Variants in FNTA observed in about 807,000 individuals in gnomAD.
The protein encoded by FNTA is protein farnesyltransferase/geranylgeranyltransferase type-1 subunit alpha.
A neutral mutation model predicts 55.2 loss-of-function variants in FNTA; 27 were observed. The ratio of observed to expected loss-of-function variants is 0.49; its 90% CI spans 0.36 to 0.67. FNTA has a LOEUF of 0.67. FNTA is among the 30% of genes least tolerant of loss of function. The probability of loss-of-function intolerance (pLI) is 0.00; values close to 1 mark genes in which losing one functional copy is unlikely to be tolerated. For missense variants in FNTA, 422 were observed against 464.7 expected, an observed-to-expected ratio of 0.91 and a Z score of 0.85; for synonymous variants, 176 against 170.7, an observed-to-expected ratio of 1.03 and a Z score of -0.24.
chr8:43,063,365 C>A (rs1810581339), intron 2 of FNTA: 1 of 454,534 alleles, frequency 2.2e-6, no homozygotes, highest in Non-Finnish European at 4.4e-6. Flanking sequence ...TAATCCAATG[C>A]TCCCAATAAA....
chr8:43,085,089 G>A (rs904979642), intron 8 of FNTA, 71 bp from the exon 9 acceptor site: 4 of 1,315,592 alleles, frequency 3.0e-6, no homozygotes, highest in Admixed American at 4.7e-5. Context: ...GAGTTAAATT[G>A]TATTGGCTCA....
At chr8:43,074,296 A>G (rs1038935302) in intron 5 of FNTA, among the ~76,000 whole-genome samples, 2 of 152,212 alleles carry the variant, frequency 1.3e-5, no homozygotes, top group Non-Finnish European at 2.9e-5. Context: ...GGCCCAGGCA[A>G]GTGGATCCCG....
intron 3 of FNTA, among the ~76,000 whole-genome samples, chr8:43,065,377 A>G (rs970431070): frequency 3.3e-5 from 5 of 151,894 alleles, no homozygotes; most frequent in Admixed American, 1.3e-4. Flanking sequence ...CCTCCCAGGT[A>G]GCTGGGATTA....
At chr8:43,070,547 A>T (rs1810762965) in intron 4 of FNTA, among the ~76,000 whole-genome samples, 1 of 152,202 alleles carries the variant, frequency 6.6e-6, no homozygotes, top group African/African-American at 2.4e-5. Flanking sequence ...TTAGTGTTTG[A>T]TTACATCGAG....
intron 3 of FNTA, among the ~76,000 whole-genome samples, chr8:43,067,505 A>T (rs187421294): frequency 3.9e-5 from 6 of 152,228 alleles, no homozygotes; most frequent in African/African-American, 1.2e-4. Flanking sequence ...TGGAATTCTC[A>T]GTGTGTTTCA....
chr8:43,073,080 T>A (rs1293421979), intron 5 of FNTA, among the ~76,000 whole-genome samples: 3 of 152,230 alleles, frequency 2.0e-5, no homozygotes, highest in Admixed American at 2.0e-4. Context: ...GTTCTAGTAT[T>A]GTTTCCTGTG....
In FNTA at chr8:43,059,585, T is replaced by G. The variant is rs376038692; in HGVS notation, c.286+408T>G. Reference sequence around the variant, plus strand: ...TTTGGCAGTGAAGTGTTCAGCTCAGTTGGAATACATTTATTGATATTAAAA... The same window carrying G: ...TTTGGCAGTGAAGTGTTCAGCTCAGGTGGAATACATTTATTGATATTAAAA... On this transcript the variant is annotated intron_variant, in intron 2 of 8. Transcript: ENST00000302279. Among the ~76,000 whole-genome samples, 27 of 152,308 alleles carry G rather than the reference T, an allele frequency of 1.8e-4. No individual in the cohort carries two copies. The South Asian group carries it at 5.0e-3, about 28-fold the overall frequency.
intron 4 of FNTA, among the ~76,000 whole-genome samples, chr8:43,071,409 G>A (rs1348742743): frequency 6.6e-6 from 1 of 152,100 alleles, no homozygotes; most frequent in South Asian, 2.1e-4. Flanking sequence ...GGTGGCTCAC[G>A]TCTGTAATCC....
At chr8:43,065,021 A>G (rs999669863) in intron 3 of FNTA, among the ~76,000 whole-genome samples, 2 of 151,266 alleles carry the variant, frequency 1.3e-5, no homozygotes. Flanking sequence ...TTTTTAGTAG[A>G]GATAGGGTTT....
chr8:43,056,551 C>A lies in FNTA; in HGVS notation c.200+5C>A. 7.0e-7 allele frequency: 1 copy of A among 1,431,078 alleles called. No homozygotes were observed. Among genetic ancestry groups the A allele is most frequent in the Non-Finnish European group, 9.2e-7 (1 of 1,083,226 alleles). The allele number at this position is 1,431,078 out of a possible 1,614,324, so 88.6% of individuals were successfully genotyped here. On this transcript the variant is annotated splice_donor_5th_base_variant and intron_variant, in intron 1 of 8. Coordinates refer to ENST00000302279, the MANE Select transcript of FNTA (RefSeq NM_002027.3). ...GCCCTCCTATGTCCTGTACAGGTAA[C>A]GCCCCCGCGGCGGCCGCGGCTCGGG...
At position 43,084,850 on chromosome 8, in the gene FNTA, A is replaced by G. The variant is rs745484066; in HGVS notation, c.986A>G (p.Asn329Ser). Reference protein sequence around the residue: ...YEDMLENQCDNKEDILNKALE... With the variant: ...YEDMLENQCDSKEDILNKALE... The stretch of plus-strand genomic sequence containing the variant: ...GACATGCTAGAAAATCAGTGTGACA[A>G]TAAGGAAGACATTCTTAATAAAGCA... Residue 329 changes from asparagine to serine, a missense_variant, in exon 8 of 9, where the codon AAT becomes AGT. Coordinates refer to ENST00000302279, the MANE Select transcript of FNTA (RefSeq NM_002027.3). 5.6e-6 allele frequency: 9 copies of G among 1,613,720 alleles called. No individual in the cohort carries two copies. Among genetic ancestry groups the G allele is most frequent in the South Asian group, 2.2e-5 (2 of 91,026 alleles).
intron 6 of FNTA, chr8:43,078,251 C>A (rs1810953119): frequency 6.6e-6 from 1 of 152,174 alleles, no homozygotes; most frequent in Non-Finnish European, 1.5e-5. Context: ...CCCTCAAGCA[C>A]ACTTCATGCT....
At chr8:43,077,562 A>C (rs1029826196) in intron 6 of FNTA, 198 bp downstream of exon 6, 6 of 379,604 alleles carry the variant, frequency 1.6e-5, no homozygotes, top group Middle Eastern at 5.5e-4. Flanking sequence ...GTTTCTTGAA[A>C]TATTGCTACT....
intron 5 of FNTA, among the ~76,000 whole-genome samples, chr8:43,073,147 C>T (rs1196814514): frequency 1.3e-5 from 2 of 152,068 alleles, no homozygotes; most frequent in East Asian, 3.8e-4. Context: ...GAGCATTTCA[C>T]CAAATACTTA....
intron 1 of FNTA, among the ~76,000 whole-genome samples, chr8:43,058,006 AAG>A (rs1167971407): frequency 2.0e-5 from 3 of 152,016 alleles, no homozygotes; most frequent in Non-Finnish European, 2.9e-5. Context: ...GAAAGTGTTT[AAG>A]AGAAATTTTG....
intron 7 of FNTA, among the ~76,000 whole-genome samples, chr8:43,084,217 CTTTTTTTTTT>C (rs965185730): frequency 4.6e-5 from 6 of 131,572 alleles, no homozygotes; most frequent in Non-Finnish European, 8.1e-5. Flanking sequence ...TGTAATTATC[CTTTTTTTTTT>C]TTTTTTTTTG....
chr8:43,069,153 T>C lies in FNTA; in HGVS notation c.402-402T>C, dbSNP rs570020896. On this transcript the variant is annotated intron_variant, in intron 3 of 8. Transcript: ENST00000302279. Reference sequence around the variant, plus strand: ...TGGGGGTGGATGGAGTCTCCCTCTGTTGCCCAGGCTAGTGTGCAGTGGTGT... The same window carrying C: ...TGGGGGTGGATGGAGTCTCCCTCTGCTGCCCAGGCTAGTGTGCAGTGGTGT... Among the ~76,000 whole-genome samples the C allele has an allele frequency of 3.3e-5, 5 of 152,082 alleles. No individual in the cohort carries two copies. The East Asian group carries it at 9.7e-4, about 29-fold the overall frequency.
chr8:43,068,061 A>T (rs1206065853), intron 3 of FNTA, among the ~76,000 whole-genome samples: 2 of 152,128 alleles, frequency 1.3e-5, no homozygotes, highest in Non-Finnish European at 2.9e-5. Flanking sequence ...CACCATGCCC[A>T]GCTAATTTTT....
At chr8:43,072,919 CAT>C (rs1451423147) in intron 5 of FNTA, among the ~76,000 whole-genome samples, 1 of 152,018 alleles carries the variant, frequency 6.6e-6, no homozygotes, top group South Asian at 2.1e-4. Flanking sequence ...CTAACAAAGG[CAT>C]ATTATACATT....
Sources: allele counts gnomAD v4.1 joint callset (sites outside exome capture counted in the v4.1 genomes callset), GRCh38; gene constraint gnomAD v4.1.1; transcripts MANE v1.5; gene names NCBI Gene and HGNC (gene_info 2026-07-23, HGNC 2026-07-21).